Variants in ANKAR observed in about 807,000 individuals in gnomAD.
ANKAR encodes the protein ankyrin and armadillo repeat-containing protein.
A neutral mutation model predicts 146.2 loss-of-function variants in ANKAR; 136 were observed. The ratio of observed to expected loss-of-function variants is 0.93; its 90% CI spans 0.81 to 1.07. ANKAR has a LOEUF of 1.07. Among genes scored for constraint, ANKAR ranks in the 50% least tolerant of loss-of-function variants. The pLI, the probability that ANKAR is intolerant of heterozygous loss-of-function variation, is 0.00. For synonymous variants in ANKAR, 500 were observed against 575.8 expected, an observed-to-expected ratio of 0.87 and a Z score of 1.88; for missense variants, 1,567 against 1,679.9, an observed-to-expected ratio of 0.93 and a Z score of 1.18.
intron 3 of ANKAR, among the ~76,000 whole-genome samples, chr2:189,691,447 T>A (rs1428037079): frequency 6.6e-6 from 1 of 152,146 alleles, no homozygotes; most frequent in African/African-American, 2.4e-5. Context: ...GATATACTCA[T>A]CTGCTTCTTT....
chr2:189,683,030 A>G (rs1167295673), intron 2 of ANKAR, among the ~76,000 whole-genome samples: 1 of 152,156 alleles, frequency 6.6e-6, no homozygotes, highest in African/African-American at 2.4e-5. Flanking sequence ...CATGAATGGG[A>G]TTAATGCCCT....
Position 189,709,501 on chromosome 2 carries a change from C to T in ANKAR, c.2120-1548C>T, listed in dbSNP as rs557907853. Among the ~76,000 whole-genome samples, 27 of 152,260 alleles carry T rather than the reference C, an allele frequency of 1.8e-4. No individual in the cohort carries two copies. The South Asian group carries it at 3.7e-3, about 21-fold the overall frequency. ...TTATAGGCCATTTAATAACATTTAA[C>T]TCTGAATCATGCACATGCATTACTT... On this transcript the variant is annotated intron_variant, in intron 9 of 22. Transcript: ENST00000684021.
At chr2:189,762,738 G>A, downstream of ANKAR, 1 of 985,506 alleles carries the variant, frequency 1.0e-6, no homozygotes, top group Non-Finnish European at 1.2e-6. Flanking sequence ...ACTAAAGACT[G>A]TCGACTGCCC....
At chr2:189,737,615 T>TA in intron 17 of ANKAR, 68 bp from the exon 18 acceptor site, 5 of 1,412,648 alleles carry the variant, frequency 3.5e-6, no homozygotes, top group South Asian at 1.4e-5. Flanking sequence ...AGCAAGAACT[T>TA]AAAGTCTATT....
At chr2:189,736,898 C>A (rs2042905444) in intron 17 of ANKAR, among the ~76,000 whole-genome samples, 1 of 151,482 alleles carries the variant, frequency 6.6e-6, no homozygotes, top group African/African-American at 2.4e-5. Flanking sequence ...CATAGCAAAA[C>A]CCTGTCTCTA....
Position 189,677,255 on chromosome 2 carries a change from CTTAA to C in ANKAR, c.601+168_601+171del, listed in dbSNP as rs570738667. Among the ~76,000 whole-genome samples the C allele has an allele frequency of 1.1e-3, 169 of 151,948 alleles. 1 individual carries two copies. The highest frequency in any genetic ancestry group is 1.9e-3 in the Non-Finnish European group (132 of 67,952). On this transcript the variant is annotated intron_variant, in intron 2 of 22. Transcript: ENST00000684021. ...CATGAGCCGCTGCACCTGGCCACTT[CTTAA>C]TTATTTTTATTCAATGCCATTTTTA...
At chr2:189,704,712 T>G (rs2038679383) in intron 7 of ANKAR, among the ~76,000 whole-genome samples, 1 of 149,506 alleles carries the variant, frequency 6.7e-6, no homozygotes, top group Admixed American at 6.7e-5. Flanking sequence ...TTTCAAATAC[T>G]TAACATTTTA....
chr2:189,735,977 T>C (rs1308498404), intron 17 of ANKAR, among the ~76,000 whole-genome samples: 1 of 152,208 alleles, frequency 6.6e-6, no homozygotes, highest in Non-Finnish European at 1.5e-5. Context: ...AACCAGTGGG[T>C]ATAACCACCC....
At chr2:189,745,062 G>A (rs1242229896) in intron 22 of ANKAR, among the ~76,000 whole-genome samples, 2 of 60,168 alleles carry the variant, frequency 3.3e-5, no homozygotes, top group African/African-American at 7.7e-5. Flanking sequence ...ATGGTGGCGC[G>A]TGCCTGTAAT....
downstream of ANKAR, among the ~76,000 whole-genome samples, chr2:189,747,635 G>A (rs2044349313): frequency 6.6e-5 from 10 of 152,226 alleles, 1 homozygote; most frequent in South Asian, 2.1e-3. Context: ...TTTTATAGCT[G>A]CAGATAGATA....
At chr2:189,676,334 A>C in intron 1 of ANKAR, 122 bp from the exon 2 acceptor site, 1 of 864,970 alleles carries the variant, frequency 1.2e-6, no homozygotes, top group Non-Finnish European at 1.7e-6. Context: ...TGAAAACTAT[A>C]ATGGTTGACC....
At chr2:189,675,179 G>T (rs1298856728) in intron 1 of ANKAR, among the ~76,000 whole-genome samples, 1 of 95,744 alleles carries the variant, frequency 1.0e-5, no homozygotes, top group East Asian at 3.1e-4. Flanking sequence ...ACAAGCCCCA[G>T]GTGATTTTGA....
intron 9 of ANKAR, among the ~76,000 whole-genome samples, chr2:189,708,452 C>T (rs114285437): frequency 0.038 from 5,734 of 152,214 alleles, 156 homozygotes; most frequent in African/African-American, 0.067. Flanking sequence ...GATACACATT[C>T]GGAAGAAACT....
chr2:189,715,984 A>G (rs1376695483), intron 10 of ANKAR, among the ~76,000 whole-genome samples: 2 of 152,264 alleles, frequency 1.3e-5, no homozygotes, highest in Admixed American at 6.5e-5. Context: ...CCAATATCGT[A>G]CTGAATGGGC....
At chr2:189,711,711 A>T (rs2039709403) in intron 10 of ANKAR, among the ~76,000 whole-genome samples, 1 of 152,134 alleles carries the variant, frequency 6.6e-6, no homozygotes, top group Admixed American at 6.5e-5. Context: ...CTGCATTTCC[A>T]ACTGAGGTAC....
intron 17 of ANKAR, among the ~76,000 whole-genome samples, chr2:189,737,137 G>A (rs2105878838): frequency 1.9e-4 from 1 of 5,390 alleles, no homozygotes; most frequent in East Asian, 0.056. Context: ...AGTTCTTTCT[G>A]TTGTAATACA....
At chr2:189,683,719 C>G (rs745483622) in intron 2 of ANKAR, among the ~76,000 whole-genome samples, 1 of 152,170 alleles carries the variant, frequency 6.6e-6, no homozygotes, top group Non-Finnish European at 1.5e-5. Flanking sequence ...TCACCATTCA[C>G]GTTTGGGAAA....
intron 12 of ANKAR, 28 bp downstream of exon 12, chr2:189,720,815 T>C (rs2041152725): frequency 7.0e-7 from 1 of 1,427,152 alleles, no homozygotes; most frequent in Admixed American, 2.8e-5. Context: ...TATTATTTTA[T>C]AATGACCAGA....
chr2:189,711,831 C>G (rs1016222372), intron 10 of ANKAR, among the ~76,000 whole-genome samples: 6 of 152,234 alleles, frequency 3.9e-5, no homozygotes, highest in Non-Finnish European at 7.3e-5. Context: ...GGGGATTTCC[C>G]TTTCCTTGCC....
Sources: allele counts gnomAD v4.1 joint callset (sites outside exome capture counted in the v4.1 genomes callset), GRCh38; gene constraint gnomAD v4.1.1; transcripts MANE v1.5; gene names NCBI Gene and HGNC (gene_info 2026-07-23, HGNC 2026-07-21).